The following MYH13 variants were observed in gnomAD, a reference collection of about 807,000 sequenced individuals.
The protein encoded by MYH13 is myosin heavy chain 13.
Under a neutral mutation model 232.1 loss-of-function variants are expected in MYH13, and 177 were observed. That is an observed-to-expected ratio of 0.76 (90% CI 0.67 to 0.86). MYH13 has a LOEUF of 0.86. Ranked by LOEUF, MYH13 falls within the 40% of genes least tolerant of loss-of-function variation. The pLI is 0.00. For synonymous variants in MYH13, 884 were observed against 923.5 expected (o/e 0.96, Z 0.78); for missense variants, 2,246 against 2,405.9 (o/e 0.93, Z 1.39).
At chr17:10,342,049 CTTAT>C (rs1301837399) in intron 16 of MYH13, among the ~76,000 whole-genome samples, 1 of 151,760 alleles carries the variant, frequency 6.6e-6, no homozygotes, top group Non-Finnish European at 1.5e-5. Context: ...GCTTGTGTTA[CTTAT>C]TTATTTGTTT....
Position 10,345,349 on chromosome 17 carries a change from G to A in MYH13, c.1437C>T (p.Cys479=), listed in dbSNP as rs1248996516. 6.2e-7 allele frequency: 1 copy of A among 1,614,244 alleles called. No individual in the cohort carries two copies. The highest frequency in any genetic ancestry group is 2.2e-5 in the East Asian group (1 of 44,884). The change falls in exon 15 of 41, where the codon TGC becomes TGT. Residue 479 remains cysteine, a synonymous_variant. Coordinates refer to ENST00000252172, the MANE Select transcript of MYH13 (RefSeq NM_003802.3). The part of the protein sequence containing the change: ...IFDFNSLEQL[C]INFTNEKLQQ... ...GCAGTTTCTCATTGGTGAAGTTGAT[G>A]CACAGCTGCTCCAGGCTGTTGAACT...
intron 11 of MYH13, among the ~76,000 whole-genome samples, chr17:10,351,467 C>CA (rs1383595756): frequency 6.6e-6 from 1 of 152,124 alleles, no homozygotes; most frequent in African/African-American, 2.4e-5. Context: ...GGAAGATCAT[C>CA]AAAGATGGCA....
At chr17:10,356,556 G>A (rs1464752969) in intron 8 of MYH13, among the ~76,000 whole-genome samples, 1 of 152,206 alleles carries the variant, frequency 6.6e-6, no homozygotes, top group African/African-American at 2.4e-5. Flanking sequence ...CCACAAGGAA[G>A]AGGAGTTTAT....
In MYH13 at chr17:10,311,905, G is replaced by A; in HGVS notation, c.4531+6C>T. 6.2e-7 allele frequency: 1 copy of A among 1,613,870 alleles called. No individual in the cohort carries two copies. Among genetic ancestry groups the A allele is most frequent in the Non-Finnish European group, 8.5e-7 (1 of 1,179,864 alleles). The stretch of plus-strand genomic sequence containing the variant: ...ATAGCACACACCAGTGGTGGAGACA[G>A]CTCACCTTGCAGATTTTTGTTCTCT... On this transcript the variant is annotated splice_donor_region_variant and intron_variant, in intron 32 of 40. Coordinates refer to ENST00000252172, the MANE Select transcript of MYH13 (RefSeq NM_003802.3).
rs1195942912 is a variant in MYH13 at position 10,304,048 on chromosome 17, A to G, written c.5467-550T>C. Among the ~76,000 whole-genome samples, 1 of 152,182 alleles carries G rather than the reference A, an allele frequency of 6.6e-6. No individual in the cohort carries two copies. Among genetic ancestry groups the G allele is most frequent in the Non-Finnish European group, 1.5e-5 (1 of 68,036 alleles). Reference sequence around the variant, plus strand: ...AACCAAACACCACATATTCTCACTCATAAGTGGGAGTTGAACAATGAGAAC... The same window carrying G: ...AACCAAACACCACATATTCTCACTCGTAAGTGGGAGTTGAACAATGAGAAC... On this transcript the variant is annotated intron_variant, in intron 37 of 40. Coordinates refer to ENST00000252172, the MANE Select transcript of MYH13 (RefSeq NM_003802.3). The surrounding 1 kb of genome is among the most constrained non-coding windows in gnomAD (Gnocchi z 5.3).
chr17:10,317,861 C>G (rs1906772771), intron 27 of MYH13: 2 of 152,220 alleles, frequency 1.3e-5, no homozygotes, highest in South Asian at 4.1e-4. Flanking sequence ...GAACTTGAGT[C>G]TTCAAGGTAA....
At chr17:10,310,388 C>T (rs61503459) in intron 33 of MYH13, among the ~76,000 whole-genome samples, 15,784 of 151,970 alleles carry the variant, frequency 0.1, 963 homozygotes, top group African/African-American at 0.16. Context: ...CCACCATGCC[C>T]GGCTGCAAAT....
At chr17:10,328,205 C>A in intron 21 of MYH13, 84 bp from the exon 22 acceptor site, 2 of 1,491,544 alleles carry the variant, frequency 1.3e-6, no homozygotes, top group Non-Finnish European at 1.8e-6. Context: ...GGACCCCATC[C>A]TCCGTCTTTC....
chr17:10,311,141 C>T lies in MYH13; in HGVS notation c.4618G>A (p.Glu1540Lys), dbSNP rs1906496603. 5 of 1,614,044 alleles carry T rather than the reference C, an allele frequency of 3.1e-6. No individual in the cohort carries two copies. The highest frequency in any genetic ancestry group is 3.3e-4 in the Middle Eastern group (2 of 6,060). ...AAGGCGACCTGCAGATCTGACTTTT[C>T]CTGCTCCACTAGCTTCTTGGTCTTT... ...AEKTKKLVEQ[E>K]KSDLQVALEE... The change falls in exon 33 of 41, where the codon GAA (glutamate) becomes AAA (lysine). Residue 1540 changes from glutamate (E) to lysine (K), a missense_variant. Transcript: ENST00000252172.
chr17:10,306,754 T>C lies in MYH13; in HGVS notation c.5296-125A>G. ...CTGTCTGACTGGGGCCAGTCATTGCTGATTCCCCACAGCCTCCCCTCCCAC... is the reference window on the plus strand; with the variant it reads ...CTGTCTGACTGGGGCCAGTCATTGCCGATTCCCCACAGCCTCCCCTCCCAC... On this transcript the variant is annotated intron_variant, in intron 36 of 40. Coordinates refer to ENST00000252172, the MANE Select transcript of MYH13 (RefSeq NM_003802.3). This position sits in a 1 kb window ranked among gnomAD's most constrained non-coding sequence, Gnocchi z 4.3. The C allele has an allele frequency of 6.6e-7, 1 of 1,524,884 alleles. No homozygotes were observed. The highest frequency in any genetic ancestry group is 8.8e-7 in the Non-Finnish European group (1 of 1,137,374). 94.5% of individuals were successfully genotyped at this position (1,524,884 alleles called of 1,614,324 possible).
At position 10,309,437 on chromosome 17, in the gene MYH13, C is replaced by A. The variant is rs747474836; in HGVS notation, c.4966G>T (p.Asp1656Tyr). 1.9e-6 allele frequency: 3 copies of A among 1,601,350 alleles called. No individual in the cohort carries two copies. In the African/African-American group the frequency reaches 4.0e-5, roughly 21 times the overall value. The change falls in exon 35 of 41, where the codon GAC becomes TAC. Residue 1656 changes from aspartate (D) to tyrosine (Y), a missense_variant and splice_region_variant. Coordinates refer to ENST00000252172, the MANE Select transcript of MYH13 (RefSeq NM_003802.3). ...GCGTCATCGAGATGCAGCTGGGAGT[C>A]CTGCAGGGGAGACCCAGAGTGAGGC... is the stretch of plus-strand genomic sequence containing the variant. Reference protein sequence around the residue: ...HLRTVQGQLKDSQLHLDDALR... With the variant: ...HLRTVQGQLKYSQLHLDDALR...
rs760402984 is a variant in MYH13, at chr17:10,312,750, GT to G, written c.4188del (p.Lys1396AsnfsTer37). 23 of 1,604,292 alleles carry G rather than the reference GT, an allele frequency of 1.4e-5. No homozygotes were observed. The highest frequency in any genetic ancestry group is 1.9e-5 in the Non-Finnish European group (22 of 1,177,152). On this transcript the variant is annotated frameshift_variant, in exon 31 of 41. Coordinates refer to ENST00000252172, the MANE Select transcript of MYH13 (RefSeq NM_003802.3). LOFTEE classifies it high-confidence loss of function. ...RTEELEEAKK[K>X]LAQRLQEAEE... is the part of the protein sequence containing the mutation. ...TCTGCTTCCTGGAGCCTCTGGGCCA[GT>G]TTTTTCCTACGAAAACCAGATTTTT... is the stretch of plus-strand genomic sequence containing the variant.
In MYH13 at chr17:10,360,017, A is replaced by G; in HGVS notation, c.588T>C (p.Phe196=). ...TVNTKRVIQY[F]ATIAVTGDKK... is the part of the protein sequence containing the mutation. ...TGTCCCCGGTAACTGCAATTGTTGCAAAATACTGGATGACACGCTTGGTGT... is the reference window on the plus strand; with the variant it reads ...TGTCCCCGGTAACTGCAATTGTTGCGAAATACTGGATGACACGCTTGGTGT... Residue 196 remains phenylalanine (F), a synonymous_variant, in exon 7 of 41, where the codon TTT becomes TTC. Coordinates refer to ENST00000252172, the MANE Select transcript of MYH13 (RefSeq NM_003802.3). 1 of 1,614,134 alleles carries G rather than the reference A, an allele frequency of 6.2e-7. No individual in the cohort carries two copies. Among genetic ancestry groups the G allele is most frequent in the Non-Finnish European group, 8.5e-7 (1 of 1,180,022 alleles).
At position 10,315,729 on chromosome 17, in the gene MYH13, C is replaced by A; in HGVS notation, c.3948G>T (p.Leu1316=). 1 of 1,613,994 alleles carries A rather than the reference C, an allele frequency of 6.2e-7. No individual in the cohort carries two copies. The highest frequency in any genetic ancestry group is 8.5e-7 in the Non-Finnish European group (1 of 1,179,888). The change falls in exon 29 of 41, where the codon CTG becomes CTT. Residue 1316 remains leucine, a synonymous_variant. Coordinates refer to ENST00000252172, the MANE Select transcript of MYH13 (RefSeq NM_003802.3). The part of the protein sequence containing the change: ...TKSKQALTQQ[L]EELKRQMEEE... ...CTTCCATTTGCCTCTTAAGCTCCTC[C>A]AGCTGCTGGGTGAGGGCCTGCTTGC...
chr17:10,359,596 G>A lies in MYH13; in HGVS notation c.645+364C>T, dbSNP rs116057386. Among the ~76,000 whole-genome samples, 570 of 152,272 alleles carry A rather than the reference G, an allele frequency of 3.7e-3. 8 individuals are homozygous for A. The highest frequency in any genetic ancestry group is 0.017 in the Middle Eastern group (5 of 294). On this transcript the variant is annotated intron_variant, in intron 7 of 40. Transcript: ENST00000252172. ...GGTCGTGAGCTCCTCCCAATTAATA[G>A]CTGCTTGCTTAGAAGTTCAGGAGGC...
Position 10,327,929 on chromosome 17 carries a change from C to G in MYH13, c.2628G>C (p.Glu876Asp). 1 of 1,613,976 alleles carries G rather than the reference C, an allele frequency of 6.2e-7. No homozygotes were observed. Among genetic ancestry groups the G allele is most frequent in the Non-Finnish European group, 8.5e-7 (1 of 1,179,938 alleles). The change falls in exon 22 of 41, where the codon GAG becomes GAC. Residue 876 changes from glutamate (E) to aspartate (D), a missense_variant. Glu to Asp is a conservative substitution (Grantham distance 45). Transcript: ENST00000252172. ...ELARSEARRK[E>D]LEEKMVSLLQ... ...GGAGGGAGACCATTTTCTCCTCCAG[C>G]TCCTTCCGGCGAGCCTCAGATCGGG...
chr17:10,323,141 C>T (rs998078246), intron 23 of MYH13, among the ~76,000 whole-genome samples: 7 of 152,138 alleles, frequency 4.6e-5, no homozygotes, highest in African/African-American at 1.4e-4. Context: ...TAGGACATGT[C>T]GCCTTATGGA....
At chr17:10,330,110 C>T (rs1272467873) in intron 21 of MYH13, among the ~76,000 whole-genome samples, 2 of 152,140 alleles carry the variant, frequency 1.3e-5, no homozygotes, top group Non-Finnish European at 2.9e-5. Context: ...CCCTATCCCC[C>T]GACTATAACT....
chr17:10,322,493 G>A (rs1906991178), intron 23 of MYH13, among the ~76,000 whole-genome samples: 1 of 152,150 alleles, frequency 6.6e-6, no homozygotes, highest in Admixed American at 6.6e-5. Context: ...CTTGAAGGAA[G>A]TAAGTGAAAC....
Sources: gnomAD v4.1 joint callset for allele counts (sites outside exome capture counted in the v4.1 genomes callset) on GRCh38, gnomAD v4.1.1 for gene constraint, Gnocchi (gnomAD v3.1) non-coding constraint, MANE v1.5 for transcripts, NCBI Gene and HGNC (gene_info 2026-07-23, HGNC 2026-07-21) for gene names.